COL16A1: variants seen among roughly 807,000 people sequenced by gnomAD.
COL16A1 encodes collagen alpha-1(XVI) chain.
A neutral mutation model predicts 266.3 loss-of-function variants in COL16A1; 189 were observed. The ratio of observed to expected loss-of-function variants is 0.71; its 90% CI spans 0.63 to 0.80. The LOEUF is 0.80. COL16A1 is among the 30% of genes least tolerant of loss of function. The probability of loss-of-function intolerance (pLI) is 0.00; values close to 1 mark genes in which losing one functional copy is unlikely to be tolerated. For missense variants in COL16A1, 1,928 were observed against 2,122.4 expected (o/e 0.91, Z 1.80); for synonymous variants, 740 against 782.3 (o/e 0.95, Z 0.90).
chr1:31,668,658 G>T lies in COL16A1; in HGVS notation c.3249+144C>A. 1 of 906,736 alleles carries T rather than the reference G, an allele frequency of 1.1e-6. No individual in the cohort carries two copies. Among genetic ancestry groups the T allele is most frequent in the Non-Finnish European group, 1.8e-6 (1 of 565,898 alleles). 56.2% of individuals were successfully genotyped at this position (906,736 alleles called of 1,614,324 possible). Reference sequence around the variant, plus strand: ...GGGGAGTGTGGAAACCTCACACTGAGGGAATCCCGGCAGAAGGGCAGAGAG... The same window carrying T: ...GGGGAGTGTGGAAACCTCACACTGATGGAATCCCGGCAGAAGGGCAGAGAG... On this transcript the variant is annotated intron_variant, in intron 50 of 70. Transcript: ENST00000373672. The surrounding 1 kb of genome is among the most constrained non-coding windows in gnomAD (Gnocchi z 5.8).
At position 31,664,299 on chromosome 1, in the gene COL16A1, GC is replaced by G. The variant is rs1641944279; in HGVS notation, c.3555+872del. ...TCCTGGAGCTGGGAAGGAAGTCTCA[GC>G]TCTGCTGCTAACACCACTGTGTGCC... is the stretch of plus-strand genomic sequence containing the variant. On this transcript the variant is annotated intron_variant, in intron 56 of 70. Transcript: ENST00000373672. This position sits in a 1 kb window ranked among gnomAD's most constrained non-coding sequence, Gnocchi z 5.5. Among the ~76,000 whole-genome samples, 1 of 152,216 alleles carries G rather than the reference GC, an allele frequency of 6.6e-6. No homozygotes were observed. The highest frequency in any genetic ancestry group is 6.5e-5 in the Admixed American group (1 of 15,286).
chr1:31,690,633 C>A (rs1054642312), intron 20 of COL16A1, 60 bp from the exon 21 acceptor site: 20 of 1,588,922 alleles, frequency 1.3e-5, no homozygotes, highest in African/African-American at 5.4e-5. Context: ...TCGGTGCGTT[C>A]CCCCTTCCCC....
chr1:31,690,226 T>C, intron 22 of COL16A1, 141 bp downstream of exon 22: 1 of 1,326,768 alleles, frequency 7.5e-7, no homozygotes, highest in South Asian at 1.4e-5. Flanking sequence ...TCACTGCACA[T>C]GGACATCAGA....
At chr1:31,671,076 A>C (rs999078127) in intron 48 of COL16A1, among the ~76,000 whole-genome samples, 17 of 152,272 alleles carry the variant, frequency 1.1e-4, no homozygotes, top group African/African-American at 4.1e-4. Flanking sequence ...AATCTTTCCT[A>C]GTCACTTCTA....
Position 31,681,070 on chromosome 1 carries a change from G to A in COL16A1, c.2539-3C>T, listed in dbSNP as rs747763978. ...TGTCCTTGCTGCCCATCACGGCCCT[G>A]AAGAGAGAGAGCCCAGAGTCAGAGG... is the stretch of plus-strand genomic sequence containing the variant. On this transcript the variant is annotated splice_region_variant and splice_polypyrimidine_tract_variant and intron_variant, in intron 37 of 70. Transcript: ENST00000373672. The A allele has an allele frequency of 5.6e-6, 9 of 1,611,402 alleles. No individual in the cohort carries two copies. The South Asian group carries it at 6.6e-5, about 12-fold the overall frequency.
chr1:31,695,266 G>C (rs372946481), intron 10 of COL16A1, 45 bp from the exon 11 acceptor site: 1 of 1,606,490 alleles, frequency 6.2e-7, no homozygotes, highest in Non-Finnish European at 8.5e-7. Flanking sequence ...GAGCCCCTGG[G>C]GTGAGCCCTC....
chr1:31,661,705 C>G lies in COL16A1; in HGVS notation c.3682-1G>C, dbSNP rs774492040. ...GGGGGCCAGCAGGACCAGGGTCCCC[C>G]TAGGGAAAGAGACGAGGAGGATTGA... On this transcript the variant is annotated splice_acceptor_variant, in intron 58 of 70. Transcript: ENST00000373672. LOFTEE classifies it high-confidence loss of function. 2 of 1,596,432 alleles carry G rather than the reference C, an allele frequency of 1.3e-6. No individual in the cohort carries two copies.
At chr1:31,658,410 A>G (rs1234299940) in intron 64 of COL16A1, 78 bp downstream of exon 64, 4 of 1,195,318 alleles carry the variant, frequency 3.3e-6, no homozygotes, top group African/African-American at 3.0e-5. Flanking sequence ...GACCCCAGAT[A>G]TGTTGTGCTG....
At chr1:31,694,566 A>G (rs1293986913) in intron 11 of COL16A1, among the ~76,000 whole-genome samples, 1 of 152,218 alleles carries the variant, frequency 6.6e-6, no homozygotes, top group Non-Finnish European at 1.5e-5. Flanking sequence ...CAGGGGGCTT[A>G]GAGCTGAGGG....
At chr1:31,689,641 G>A (rs1644163474) in intron 23 of COL16A1, 100 bp downstream of exon 23, 1 of 919,352 alleles carries the variant, frequency 1.1e-6, no homozygotes, top group Non-Finnish European at 1.8e-6. Context: ...GTAGCCACGA[G>A]AAGTACCCAG....
Position 31,670,936 on chromosome 1 carries a change from A to C in COL16A1, c.3151-290T>G, listed in dbSNP as rs58547340. Among the ~76,000 whole-genome samples, 8,873 of 152,172 alleles carry C rather than the reference A, an allele frequency of 0.058. 884 individuals are homozygous for C. The highest frequency in any genetic ancestry group is 0.2 in the African/African-American group (8,442 of 41,484). On this transcript the variant is annotated intron_variant, in intron 48 of 70. Transcript: ENST00000373672. The surrounding 1 kb of genome is among the most constrained non-coding windows in gnomAD (Gnocchi z 4.5). ...GAAGATCCGGTTGCAGCAGAAGCCC[A>C]TTTCTTTCAGCCTTGCCCACCATGC...
At position 31,668,756 on chromosome 1, in the gene COL16A1, T is replaced by C; in HGVS notation, c.3249+46A>G. Reference sequence around the variant, plus strand: ...AGCTCAAGCTCTGCCTCCCCAGCTCTTCCTCCCTTTCCAGCCCTTTCCAGC... The same window carrying C: ...AGCTCAAGCTCTGCCTCCCCAGCTCCTCCTCCCTTTCCAGCCCTTTCCAGC... On this transcript the variant is annotated intron_variant, in intron 50 of 70. Transcript: ENST00000373672. This position sits in a 1 kb window ranked among gnomAD's most constrained non-coding sequence, Gnocchi z 5.8. 1 of 1,609,344 alleles carries C rather than the reference T, an allele frequency of 6.2e-7. No homozygotes were observed. The highest frequency in any genetic ancestry group is 1.1e-5 in the South Asian group (1 of 90,958).
chr1:31,702,037 A>T, intron 2 of COL16A1, 84 bp downstream of exon 2: 1 of 1,593,524 alleles, frequency 6.3e-7, no homozygotes, highest in African/African-American at 1.3e-5. Flanking sequence ...CCACACATAC[A>T]TGGTCACATA....
intron 44 of COL16A1, 29 bp from the exon 45 acceptor site, chr1:31,672,869 G>A (rs1642851032): frequency 6.2e-7 from 1 of 1,606,574 alleles, no homozygotes; most frequent in African/African-American, 1.3e-5. Context: ...GAGGAGTGGG[G>A]CCTGGGTTAG....
rs1570392555 is a variant in COL16A1 at position 31,665,385 on chromosome 1, T to C, written c.3493-151A>G. The C allele has an allele frequency of 8.5e-6, 12 of 1,405,650 alleles. No individual in the cohort carries two copies. In the East Asian group the frequency reaches 2.9e-4, roughly 34 times the overall value. The allele number at this position is 1,405,650 out of a possible 1,614,324, so 87.1% of individuals were successfully genotyped here. A position where few individuals can be genotyped will look rare whatever the true frequency, so the allele number is the denominator to read the frequency against. On this transcript the variant is annotated intron_variant, in intron 55 of 70. Transcript: ENST00000373672. ...TTGGGAGCATTACGTCTGCCTGGCC[T>C]GCTGGGCTGGGGCCCACACAAGAGG...
chr1:31,666,473 T>G, intron 52 of COL16A1: 1 of 252,628 alleles, frequency 4.0e-6, no homozygotes, highest in Non-Finnish European at 7.6e-6. Context: ...TTCCCACTTC[T>G]CCTCCCTCTC....
Position 31,695,644 on chromosome 1 carries a change from G to A in COL16A1, c.945+117C>T. ...CAGGGCCCAGCATCAGGCCCTCAAG[G>A]AATGCCAGGAGCTGTGTAGTCAGCC... is the stretch of plus-strand genomic sequence containing the variant. On this transcript the variant is annotated intron_variant, in intron 10 of 70. Coordinates refer to ENST00000373672, the MANE Select transcript of COL16A1 (RefSeq NM_001856.4). 13 of 995,736 alleles carry A rather than the reference G, an allele frequency of 1.3e-5. No individual in the cohort carries two copies. In the Middle Eastern group the frequency reaches 2.1e-3, roughly 157 times the overall value. 61.7% of individuals were successfully genotyped at this position (995,736 alleles called of 1,614,324 possible).
At chr1:31,658,862 C>G (rs1214390372) in intron 63 of COL16A1, 52 bp downstream of exon 63, 1 of 1,542,460 alleles carries the variant, frequency 6.5e-7, no homozygotes, top group Non-Finnish European at 8.8e-7. Context: ...AGCCCACAGT[C>G]AAGCAGGGCA....
intron 2 of COL16A1, 85 bp from the exon 3 acceptor site, chr1:31,700,200 G>T: frequency 1.6e-6 from 2 of 1,273,450 alleles, no homozygotes; most frequent in Non-Finnish European, 2.3e-6. Flanking sequence ...CTGGGAGGGA[G>T]CAAGTTTATA....
Sources: gnomAD v4.1 joint callset for allele counts (sites outside exome capture counted in the v4.1 genomes callset) on GRCh38, gnomAD v4.1.1 for gene constraint, Gnocchi (gnomAD v3.1) non-coding constraint, MANE v1.5 for transcripts, NCBI Gene and HGNC (gene_info 2026-07-23, HGNC 2026-07-21) for gene names.